Variants in ADAMTSL1 observed in about 807,000 individuals in gnomAD.
The protein encoded by ADAMTSL1 is ADAMTS-like protein 1.
ADAMTSL1 carries 126 observed loss-of-function variants against 201.8 expected under a neutral mutation model. That is an observed-to-expected ratio of 0.62 (90% CI 0.54 to 0.72). ADAMTSL1 has a LOEUF of 0.72. ADAMTSL1 is among the 30% of genes least tolerant of loss of function. The pLI is 0.00. For synonymous variants in ADAMTSL1, 1,121 were observed against 903.4 expected, an observed-to-expected ratio of 1.24 and a Z score of -4.32; for missense variants, 2,679 against 2,277.8, an observed-to-expected ratio of 1.18 and a Z score of -3.59.
chr9:18,010,533 G>A (rs529268712), intron 1 of ADAMTSL1, among the ~76,000 whole-genome samples: 1 of 152,124 alleles, frequency 6.6e-6, no homozygotes, highest in South Asian at 2.1e-4. Context: ...GAACTAGAGT[G>A]AGTAATCCTG....
chr9:17,931,289 CCT>C (rs1312838585), intron 1 of ADAMTSL1, among the ~76,000 whole-genome samples: 5 of 152,054 alleles, frequency 3.3e-5, no homozygotes, highest in African/African-American at 1.2e-4. Context: ...CAGTTTGTGG[CCT>C]CTCTCTTAAC....
At chr9:17,983,267 C>T (rs1306051430) in intron 1 of ADAMTSL1, among the ~76,000 whole-genome samples, 1 of 151,558 alleles carries the variant, frequency 6.6e-6, no homozygotes, top group Non-Finnish European at 1.5e-5. Context: ...GATGGGGTTT[C>T]ACCATGTTAG....
At chr9:18,651,127 A>T (rs1454825402) in intron 7 of ADAMTSL1, 1 of 152,196 alleles carries the variant, frequency 6.6e-6, no homozygotes, top group Non-Finnish European at 1.5e-5. Flanking sequence ...AATGTGGCAG[A>T]TGTGGCCATT....
intron 15 of ADAMTSL1, among the ~76,000 whole-genome samples, chr9:18,725,191 C>A (rs1157028615): frequency 6.6e-6 from 1 of 152,134 alleles, no homozygotes. Flanking sequence ...CAGGCGTGAG[C>A]CAACGTGCCC....
intron 1 of ADAMTSL1, among the ~76,000 whole-genome samples, chr9:18,475,264 A>G (rs1821393179): frequency 6.6e-6 from 1 of 152,210 alleles, no homozygotes; most frequent in South Asian, 2.1e-4. Context: ...GAAGAGAACA[A>G]GGTAAAAATG....
chr9:18,873,971 C>A (rs1436517807), intron 23 of ADAMTSL1, among the ~76,000 whole-genome samples: 1 of 151,986 alleles, frequency 6.6e-6, no homozygotes, highest in Non-Finnish European at 1.5e-5. Context: ...ATTTTTTCAG[C>A]AGTGTTTTGT....
chr9:18,312,788 A>G (rs996059564), intron 2 of ADAMTSL1, among the ~76,000 whole-genome samples: 2 of 152,140 alleles, frequency 1.3e-5, no homozygotes, highest in African/African-American at 4.8e-5. Flanking sequence ...CTCTGCAAAG[A>G]TGATTGATTG....
intron 2 of ADAMTSL1, among the ~76,000 whole-genome samples, chr9:18,238,250 C>T (rs188855825): frequency 6.6e-6 from 1 of 152,224 alleles, no homozygotes; most frequent in African/African-American, 2.4e-5. Flanking sequence ...AGTTTTGAAA[C>T]TGGGTCATAG....
intron 1 of ADAMTSL1, 92 bp from the exon 2 acceptor site, chr9:18,504,737 G>A: frequency 6.4e-7 from 1 of 1,568,852 alleles, no homozygotes. Context: ...AAGCCACCAT[G>A]TACACACACG....
chr9:18,305,288 CA>C (rs1833866669), intron 2 of ADAMTSL1, among the ~76,000 whole-genome samples: 1 of 152,204 alleles, frequency 6.6e-6, no homozygotes, highest in African/African-American at 2.4e-5. Context: ...GCTGTTTGAG[CA>C]GCCACCAAGC....
At chr9:18,159,761 AAGTC>A (rs1361379815) in intron 1 of ADAMTSL1, among the ~76,000 whole-genome samples, 2 of 152,022 alleles carry the variant, frequency 1.3e-5, no homozygotes, top group Admixed American at 1.3e-4. Flanking sequence ...GAGCCACTGA[AAGTC>A]AGGTCAGTCA....
In ADAMTSL1 at chr9:18,302,341, C is replaced by G. The variant is rs1411001699; in HGVS notation, c.207+138360C>G. The stretch of plus-strand genomic sequence containing the variant: ...CCCCACCCCATCAAGACCTTGCTGT[C>G]TAGAGGTATCACCACACTTAGTGAT... On this transcript the variant is annotated intron_variant, in intron 2 of 29. Coordinates refer to the ADAMTSL1 transcript ENST00000680146. Among the ~76,000 whole-genome samples the G allele has an allele frequency of 2.0e-5, 3 of 152,144 alleles. No homozygotes were observed. In the South Asian group the frequency reaches 6.2e-4, roughly 32 times the overall value.
At chr9:18,444,812 C>G (rs1820126842) in intron 2 of ADAMTSL1, among the ~76,000 whole-genome samples, 1 of 152,064 alleles carries the variant, frequency 6.6e-6, no homozygotes, top group African/African-American at 2.4e-5. Flanking sequence ...TGTCTTTCCT[C>G]CTATTTATTA....
At chr9:18,700,301 T>C (rs915206475) in intron 13 of ADAMTSL1, among the ~76,000 whole-genome samples, 2 of 152,148 alleles carry the variant, frequency 1.3e-5, no homozygotes, top group African/African-American at 4.8e-5. Flanking sequence ...TTTAGAGGGT[T>C]TATTTAAAAC....
intron 23 of ADAMTSL1, among the ~76,000 whole-genome samples, chr9:18,876,488 G>C (rs1828167672): frequency 6.6e-6 from 1 of 152,116 alleles, no homozygotes; most frequent in African/African-American, 2.4e-5. Context: ...TTCTGAAAAA[G>C]ACTATCTTTC....
intron 2 of ADAMTSL1, among the ~76,000 whole-genome samples, chr9:18,330,567 T>C (rs1834991432): frequency 6.6e-6 from 1 of 152,220 alleles, no homozygotes; most frequent in South Asian, 2.1e-4. Flanking sequence ...ATTTGTTGTA[T>C]GCCAAGTGTG....
chr9:18,728,828 A>G (rs1426874727), intron 15 of ADAMTSL1, among the ~76,000 whole-genome samples: 1 of 152,238 alleles, frequency 6.6e-6, no homozygotes, highest in East Asian at 1.9e-4. Flanking sequence ...CCTGTGTGCC[A>G]AGTTAAGTTG....
intron 3 of ADAMTSL1, among the ~76,000 whole-genome samples, chr9:18,544,976 C>T (rs1205769956): frequency 6.6e-6 from 1 of 152,128 alleles, no homozygotes; most frequent in Non-Finnish European, 1.5e-5. Flanking sequence ...TGATATGAGT[C>T]CCCTCTCCTG....
intron 3 of ADAMTSL1, among the ~76,000 whole-genome samples, chr9:18,569,443 T>A (rs764214631): frequency 2.6e-5 from 4 of 152,136 alleles, no homozygotes; most frequent in African/African-American, 4.8e-5. Flanking sequence ...ACTTTTATAG[T>A]GAGGAAGCCT....
Sources: allele counts gnomAD v4.1 joint callset (sites outside exome capture counted in the v4.1 genomes callset), GRCh38; gene constraint gnomAD v4.1.1; transcripts MANE v1.5; gene names NCBI Gene and HGNC (gene_info 2026-07-23, HGNC 2026-07-21).